Variants in TRPM3 observed in about 807,000 individuals in gnomAD.
The protein encoded by TRPM3 is long transient receptor potential channel 3.
A neutral mutation model predicts 181.2 loss-of-function variants in TRPM3; 77 were observed. That is an observed-to-expected ratio of 0.42 (90% confidence interval 0.35 to 0.51). The LOEUF (loss-of-function observed/expected upper bound fraction) is 0.51. TRPM3 is among the 20% of genes least tolerant of loss of function. TRPM3 has a pLI of 0.01. For synonymous variants in TRPM3, 745 were observed against 796.4 expected, an observed-to-expected ratio of 0.94 and a Z score of 1.09; for missense variants, 1,759 against 2,196.7, an observed-to-expected ratio of 0.80 and a Z score of 3.98.
intron 1 of TRPM3, among the ~76,000 whole-genome samples, chr9:71,071,731 A>C (rs897870474): frequency 6.6e-6 from 1 of 152,122 alleles, no homozygotes; most frequent in Non-Finnish European, 1.5e-5. Context: ...TTTGAATCCA[A>C]CTCTGCCACT....
intron 5 of TRPM3, among the ~76,000 whole-genome samples, chr9:70,839,736 A>C (rs1333824937): frequency 6.6e-6 from 1 of 152,174 alleles, no homozygotes; most frequent in East Asian, 1.9e-4. Flanking sequence ...TCTGGAGTAT[A>C]AACAGACTTG....
chr9:70,969,781 C>CATATATATAT (rs1564870311), intron 1 of TRPM3, among the ~76,000 whole-genome samples: 1 of 99,290 alleles, frequency 1.0e-5, no homozygotes, highest in Non-Finnish European at 2.2e-5. Flanking sequence ...TATATATATA[C>CATATATATAT]ACACACACAC....
intron 6 of TRPM3, among the ~76,000 whole-genome samples, chr9:70,803,138 G>C (rs934553973): frequency 6.6e-6 from 1 of 151,138 alleles, no homozygotes; most frequent in Admixed American, 6.6e-5. Context: ...AGTGGGAGCA[G>C]ATGAGATGCG....
chr9:70,652,981 G>T (rs1489379787), intron 9 of TRPM3, among the ~76,000 whole-genome samples: 1 of 152,146 alleles, frequency 6.6e-6, no homozygotes, highest in Non-Finnish European at 1.5e-5. Flanking sequence ...GGGCTTGGTG[G>T]AGAGTAGCCA....
chr9:71,179,174 A>G (rs1160728269), intron 1 of TRPM3, among the ~76,000 whole-genome samples: 1 of 152,184 alleles, frequency 6.6e-6, no homozygotes, highest in African/African-American at 2.4e-5. Context: ...CAACTGAAAC[A>G]GAATAATTTG....
chr9:70,956,674 C>T (rs2097076162), intron 1 of TRPM3, among the ~76,000 whole-genome samples: 1 of 151,954 alleles, frequency 6.6e-6, no homozygotes, highest in Non-Finnish European at 1.5e-5. Flanking sequence ...TCTTTGAGGC[C>T]AGGACTTTGA....
At chr9:71,184,132 A>T (rs2077549082) in intron 1 of TRPM3, among the ~76,000 whole-genome samples, 1 of 152,110 alleles carries the variant, frequency 6.6e-6, no homozygotes, top group Non-Finnish European at 1.5e-5. Context: ...GCTCTTCGAG[A>T]TGTTACCATT....
chr9:70,670,468 G>C (rs528124123), intron 9 of TRPM3, among the ~76,000 whole-genome samples: 1 of 152,270 alleles, frequency 6.6e-6, no homozygotes, highest in East Asian at 1.9e-4. Flanking sequence ...ACTGAGATCT[G>C]TTTGGATTTC....
At chr9:70,894,181 T>C (rs571174009) in intron 1 of TRPM3, among the ~76,000 whole-genome samples, 2 of 152,326 alleles carry the variant, frequency 1.3e-5, no homozygotes, top group African/African-American at 2.4e-5. Flanking sequence ...TGTTTGTTTG[T>C]TTGGTGTTAG....
intron 1 of TRPM3, among the ~76,000 whole-genome samples, chr9:70,911,589 T>C (rs939550976): frequency 1.2e-4 from 19 of 152,186 alleles, no homozygotes; most frequent in African/African-American, 4.6e-4. Context: ...AAAACCTGCC[T>C]CATGTATATT....
intron 1 of TRPM3, among the ~76,000 whole-genome samples, chr9:71,401,337 G>A (rs2093338130): frequency 6.6e-6 from 1 of 152,178 alleles, no homozygotes; most frequent in South Asian, 2.1e-4. Flanking sequence ...GGCTAAGGTA[G>A]TTAGAGGACT....
chr9:70,867,390 G>T (rs1241679442), intron 1 of TRPM3, among the ~76,000 whole-genome samples: 1 of 152,034 alleles, frequency 6.6e-6, no homozygotes, highest in East Asian at 1.9e-4. Flanking sequence ...GTCAGATGAT[G>T]GGTGGTAAGA....
intron 1 of TRPM3, among the ~76,000 whole-genome samples, chr9:71,434,861 G>T (rs1312648627): frequency 6.6e-6 from 1 of 151,964 alleles, no homozygotes; most frequent in Non-Finnish European, 1.5e-5. Flanking sequence ...TGGAGCAAAG[G>T]AGACACTTTT....
intron 1 of TRPM3, among the ~76,000 whole-genome samples, chr9:71,049,579 G>A (rs1020848211): frequency 1.3e-5 from 2 of 152,174 alleles, no homozygotes; most frequent in African/African-American, 4.8e-5. Context: ...AGGAGCCCAA[G>A]CCAGTAAGGA....
intron 1 of TRPM3, among the ~76,000 whole-genome samples, chr9:71,282,591 T>C (rs1452221674): frequency 6.6e-6 from 1 of 152,190 alleles, no homozygotes. Flanking sequence ...TAGAAGTCTG[T>C]TGTTGGAAAC....
At chr9:71,358,784 G>C (rs2092931816) in intron 1 of TRPM3, among the ~76,000 whole-genome samples, 1 of 152,148 alleles carries the variant, frequency 6.6e-6, no homozygotes, top group Admixed American at 6.6e-5. Context: ...TGATCACGGT[G>C]AAGTGGATCA....
chr9:71,323,178 T>G (rs1472922953), intron 1 of TRPM3, among the ~76,000 whole-genome samples: 1 of 151,970 alleles, frequency 6.6e-6, no homozygotes, highest in African/African-American at 2.4e-5. Context: ...CTGTTCAGTC[T>G]TCAGAAACAC....
chr9:71,260,730 T>G (rs2082990680), intron 1 of TRPM3, among the ~76,000 whole-genome samples: 1 of 152,248 alleles, frequency 6.6e-6, no homozygotes, highest in Non-Finnish European at 1.5e-5. Flanking sequence ...ACATTGATTT[T>G]GTATCCTGAG....
chr9:71,074,892 A>G lies in TRPM3; in HGVS notation c.177+46286T>C, dbSNP rs373544551. Among the ~76,000 whole-genome samples the G allele has an allele frequency of 9.2e-5, 14 of 152,338 alleles. 1 individual carries two copies. In the South Asian group the frequency reaches 1.7e-3, roughly 18 times the overall value. On this transcript the variant is annotated intron_variant, in intron 1 of 25. Transcript: ENST00000677713. ...CTTTTTAAGGAGAAAAAAACATTTT[A>G]TCATAAAAAGTGAGGGTGAAAAGTT...
Sources: gnomAD v4.1 joint callset for allele counts (sites outside exome capture counted in the v4.1 genomes callset) on GRCh38, gnomAD v4.1.1 for gene constraint, MANE v1.5 for transcripts, NCBI Gene and HGNC (gene_info 2026-07-23, HGNC 2026-07-21) for gene names.